The following WDR70 variants were observed in gnomAD, a reference collection of about 807,000 sequenced individuals.
The protein encoded by WDR70 is WD repeat domain 70.
Under a neutral mutation model 88.6 loss-of-function variants are expected in WDR70, and 53 were observed. The ratio of observed to expected loss-of-function variants is 0.60; its 90% CI spans 0.48 to 0.75. The LOEUF is 0.75. WDR70 is among the 30% of genes least tolerant of loss of function. WDR70 has a pLI of 0.00. For synonymous variants in WDR70, 280 were observed against 270.0 expected (o/e 1.04, Z -0.36); for missense variants, 610 against 823.2 (o/e 0.74, Z 3.17).
intron 9 of WDR70, among the ~76,000 whole-genome samples, chr5:37,548,146 C>A (rs1742046720): frequency 6.6e-6 from 1 of 152,162 alleles, no homozygotes; most frequent in Non-Finnish European, 1.5e-5. Flanking sequence ...GATTTCCTTT[C>A]TTTTGGGTAT....
chr5:37,685,197 TGAG>T (rs1339371371), intron 10 of WDR70, among the ~76,000 whole-genome samples: 1 of 151,044 alleles, frequency 6.6e-6, no homozygotes, highest in African/African-American at 2.4e-5. Context: ...ATAGTGGGGG[TGAG>T]GAGGTGGTGT....
At chr5:37,436,564 T>G (rs981052875) in intron 5 of WDR70, among the ~76,000 whole-genome samples, 3 of 152,140 alleles carry the variant, frequency 2.0e-5, no homozygotes, top group Admixed American at 1.3e-4. Flanking sequence ...TAGTGACTTG[T>G]TTGTTCATTT....
chr5:37,383,628 G>A (rs1318282905), intron 3 of WDR70, among the ~76,000 whole-genome samples: 2 of 151,894 alleles, frequency 1.3e-5, no homozygotes, highest in Non-Finnish European at 2.9e-5. Flanking sequence ...CGCCCTGGCT[G>A]GAGTGCAGTG....
intron 9 of WDR70, among the ~76,000 whole-genome samples, chr5:37,533,374 T>C (rs921433391): frequency 1.3e-5 from 2 of 152,130 alleles, no homozygotes; most frequent in African/African-American, 4.8e-5. Flanking sequence ...GGCGTATCAC[T>C]TGAGGTCAGG....
Position 37,465,593 on chromosome 5 carries a change from T to C in WDR70, c.687-14241T>C, listed in dbSNP as rs7734888. On this transcript the variant is annotated intron_variant, in intron 7 of 17. Coordinates refer to ENST00000265107, the MANE Select transcript of WDR70 (RefSeq NM_018034.4). ...TAGGACGAAAAATTCTATTGAGGTCTGGCCAGATAGACATAGATTTTATTT... is the reference window on the plus strand; with the variant it reads ...TAGGACGAAAAATTCTATTGAGGTCCGGCCAGATAGACATAGATTTTATTT... Among the ~76,000 whole-genome samples, 197 of 151,814 alleles carry C rather than the reference T, an allele frequency of 1.3e-3. 1 individual carries two copies. Among genetic ancestry groups the C allele is most frequent in the African/African-American group, 4.6e-3 (191 of 41,474 alleles).
intron 7 of WDR70, among the ~76,000 whole-genome samples, chr5:37,457,850 T>G (rs1738892110): frequency 1.3e-5 from 2 of 152,166 alleles, no homozygotes; most frequent in South Asian, 4.1e-4. Context: ...GGTTGTGAAC[T>G]TCCAACACTA....
At chr5:37,427,711 A>T (rs1248277895) in intron 5 of WDR70, among the ~76,000 whole-genome samples, 1 of 151,182 alleles carries the variant, frequency 6.6e-6, no homozygotes, top group Non-Finnish European at 1.5e-5. Context: ...ACCTGATGAA[A>T]CTCCGTCTCT....
chr5:37,489,142 G>C (rs1739984805), intron 8 of WDR70, among the ~76,000 whole-genome samples: 1 of 152,176 alleles, frequency 6.6e-6, no homozygotes, highest in Non-Finnish European at 1.5e-5. Flanking sequence ...ATTAGGTGTG[G>C]CAATGCCAGG....
At chr5:37,655,512 A>G (rs567591867) in intron 10 of WDR70, among the ~76,000 whole-genome samples, 37 of 152,222 alleles carry the variant, frequency 2.4e-4, no homozygotes, top group African/African-American at 8.9e-4. Flanking sequence ...GTTCTCCTGG[A>G]TAACATCCTG....
At chr5:37,736,617 T>G (rs1285538759) in intron 17 of WDR70, among the ~76,000 whole-genome samples, 6 of 151,934 alleles carry the variant, frequency 3.9e-5, no homozygotes, top group African/African-American at 9.7e-5. Flanking sequence ...TATGTAGTTT[T>G]TTTTTTTTTT....
chr5:37,717,330 G>GT (rs1747680175), intron 13 of WDR70, among the ~76,000 whole-genome samples: 1 of 152,236 alleles, frequency 6.6e-6, no homozygotes, highest in Non-Finnish European at 1.5e-5. Flanking sequence ...TTGCACTGCA[G>GT]TGGCCTTCTG....
chr5:37,691,457 G>A (rs1414111190), intron 10 of WDR70, among the ~76,000 whole-genome samples: 1 of 152,082 alleles, frequency 6.6e-6, no homozygotes, highest in Admixed American at 6.6e-5. Context: ...CCACATAGTT[G>A]GAAATAAAGC....
At chr5:37,415,735 G>T (rs2111973482) in intron 5 of WDR70, among the ~76,000 whole-genome samples, 1 of 149,980 alleles carries the variant, frequency 6.7e-6, no homozygotes, top group South Asian at 2.1e-4. Context: ...CCAGGTGGAG[G>T]GGCTCCTCAC....
At chr5:37,468,407 A>T (rs1283463092) in intron 7 of WDR70, among the ~76,000 whole-genome samples, 1 of 152,184 alleles carries the variant, frequency 6.6e-6, no homozygotes, top group African/African-American at 2.4e-5. Context: ...ATATATTCCT[A>T]CCACATGGAG....
intron 7 of WDR70, among the ~76,000 whole-genome samples, chr5:37,455,509 T>G (rs1738806542): frequency 6.6e-6 from 1 of 152,078 alleles, no homozygotes. Flanking sequence ...CCCAAAGTGT[T>G]GAGATTACAG....
At chr5:37,380,986 A>G (rs1215734867) in intron 2 of WDR70, among the ~76,000 whole-genome samples, 1 of 152,174 alleles carries the variant, frequency 6.6e-6, no homozygotes, top group Non-Finnish European at 1.5e-5. Context: ...CAGGAGTGAG[A>G]AAGTTGTCCA....
At chr5:37,415,720 G>A (rs1361618657) in intron 5 of WDR70, among the ~76,000 whole-genome samples, 7 of 150,956 alleles carry the variant, frequency 4.6e-5, no homozygotes, top group Non-Finnish European at 7.4e-5. Context: ...CAGACGGGGC[G>A]GCTGCCAGGT....
chr5:37,739,488 C>T (rs1748403149), intron 17 of WDR70, among the ~76,000 whole-genome samples: 1 of 152,154 alleles, frequency 6.6e-6, no homozygotes, highest in Admixed American at 6.5e-5. Flanking sequence ...AGCTAGAAGA[C>T]ACAGAATGGG....
intron 5 of WDR70, among the ~76,000 whole-genome samples, chr5:37,409,276 T>C (rs12656690): frequency 0.18 from 26,751 of 152,072 alleles, 2,849 homozygotes; most frequent in East Asian, 0.39. Flanking sequence ...GGTTCTGCTG[T>C]GTAGTTATTC....
Sources: allele counts gnomAD v4.1 joint callset (sites outside exome capture counted in the v4.1 genomes callset), GRCh38; gene constraint gnomAD v4.1.1; transcripts MANE v1.5; gene names NCBI Gene and HGNC (gene_info 2026-07-23, HGNC 2026-07-21).